AKAP13: variants seen among roughly 807,000 people sequenced by gnomAD.
The protein encoded by AKAP13 is A-kinase anchoring protein 13, also known as A-kinase anchor protein 13.
In AKAP13, 80 loss-of-function variants were observed where a neutral mutation model predicts 264.5. The observed-to-expected ratio is 0.30, with a 90% confidence interval of 0.25 to 0.36. The LOEUF is 0.36. Among genes scored for constraint, AKAP13 ranks in the 10% least tolerant of loss-of-function variants. The probability of loss-of-function intolerance (pLI) is 1.00; values close to 1 mark genes in which losing one functional copy is unlikely to be tolerated. For synonymous variants in AKAP13, 1,380 were observed against 1,250.2 expected (o/e 1.10, Z -2.19); for missense variants, 3,712 against 3,435.2 (o/e 1.08, Z -2.01).
intron 8 of AKAP13, among the ~76,000 whole-genome samples, chr15:85,596,609 T>G (rs976809024): frequency 2.6e-5 from 4 of 151,952 alleles, no homozygotes; most frequent in Non-Finnish European, 5.9e-5. Flanking sequence ...ACCTAGTCAC[T>G]CTGGGGTTGG....
rs1043873276 is a variant in AKAP13, at chr15:85,580,661, C to T, written c.2593C>T (p.Leu865Phe). The change falls in exon 7 of 37, where the codon CTC becomes TTC. Residue 865 changes from leucine (L) to phenylalanine (F), a missense_variant. This residue lies in a region of AKAP13 where 2,759 missense variants were observed against 2,411.7 expected (regional missense o/e 1.14). Transcript: ENST00000394518. ...TCAGCACGGGATGGGGAATACCAGT[C>T]TCACAGGACTTGGTGGAGAGCATGA... is the stretch of plus-strand genomic sequence containing the variant. ...ELQHGMGNTSLTGLGGEHEGP... is the reference protein window; with the variant it reads ...ELQHGMGNTSFTGLGGEHEGP... 2 of 1,614,214 alleles carry T rather than the reference C, an allele frequency of 1.2e-6. No homozygotes were observed. The highest frequency in any genetic ancestry group is 1.7e-6 in the Non-Finnish European group (2 of 1,180,030).
intron 1 of AKAP13, among the ~76,000 whole-genome samples, chr15:85,433,941 A>G (rs1413065295): frequency 1.1e-5 from 1 of 88,764 alleles, no homozygotes; most frequent in Non-Finnish European, 2.3e-5. Context: ...ACTCTGTCTC[A>G]AAAAATAAAA....
chr15:85,738,052 A>G (rs2088668802), intron 33 of AKAP13, among the ~76,000 whole-genome samples: 1 of 152,202 alleles, frequency 6.6e-6, no homozygotes, highest in South Asian at 2.1e-4. Flanking sequence ...TAGACACTAT[A>G]AATGCTTAGC....
rs541227727 is a variant in AKAP13 at position 85,630,740 on chromosome 15, T to C, written c.4162-8634T>C. On this transcript the variant is annotated intron_variant, in intron 8 of 36. Transcript: ENST00000394518. ...TCCATTAAAAAAAAGAAACTCAGGA[T>C]GAGCACCCATGTCACACCTACTGTG... Among the ~76,000 whole-genome samples the C allele has an allele frequency of 1.1e-4, 16 of 151,910 alleles. No homozygotes were observed. In the South Asian group the frequency reaches 3.1e-3, roughly 30 times the overall value.
At chr15:85,398,843 A>G (rs2071248754) in intron 1 of AKAP13, among the ~76,000 whole-genome samples, 1 of 152,202 alleles carries the variant, frequency 6.6e-6, no homozygotes, top group African/African-American at 2.4e-5. Flanking sequence ...AGTAACTGAC[A>G]TAGTTATTTT....
intron 1 of AKAP13, among the ~76,000 whole-genome samples, chr15:85,404,532 A>G (rs867381690): frequency 6.6e-6 from 1 of 152,158 alleles, no homozygotes; most frequent in Non-Finnish European, 1.5e-5. Flanking sequence ...GTTCCTTCCC[A>G]TCTGTTCATG....
At chr15:85,492,684 A>G (rs1389590156) in intron 2 of AKAP13, among the ~76,000 whole-genome samples, 1 of 152,146 alleles carries the variant, frequency 6.6e-6, no homozygotes, top group East Asian at 1.9e-4. Context: ...CATTTCTCTA[A>G]TTTTCCCAAT....
chr15:85,517,960 T>G (rs1162904494), intron 2 of AKAP13, among the ~76,000 whole-genome samples: 7 of 152,242 alleles, frequency 4.6e-5, no homozygotes, highest in Admixed American at 1.3e-4. Context: ...GATGTAGGTG[T>G]GTACTCTTCC....
At chr15:85,734,917 A>C in intron 30 of AKAP13, 75 bp from the exon 31 acceptor site, 1 of 1,550,522 alleles carries the variant, frequency 6.4e-7, no homozygotes, top group South Asian at 1.2e-5. Context: ...CTTTGTACGT[A>C]TCATATATAC....
intron 1 of AKAP13, among the ~76,000 whole-genome samples, chr15:85,453,347 C>T (rs1028789112): frequency 6.6e-6 from 1 of 152,072 alleles, no homozygotes; most frequent in African/African-American, 2.4e-5. Context: ...GGATCAGCCA[C>T]CCACGTAACA....
chr15:85,458,393 G>GTTT lies in AKAP13; in HGVS notation c.-11-27304_-11-27302dup, dbSNP rs4037636. Among the ~76,000 whole-genome samples, 861 of 120,644 alleles carry GTTT rather than the reference G, an allele frequency of 7.1e-3. 28 individuals carry two copies. The highest frequency in any genetic ancestry group is 0.025 in the African/African-American group (753 of 30,684). 79.1% of individuals were successfully genotyped at this position (120,644 alleles called of 152,430 possible). On this transcript the variant is annotated intron_variant, in intron 1 of 36. Coordinates refer to ENST00000394518, the MANE Select transcript of AKAP13 (RefSeq NM_007200.5). ...TCTTTTTTTGTATTTTTTGTTTTTT[G>GTTT]TTTTTTTTTTTTTTTACTATATATG...
In AKAP13 at chr15:85,735,602, G is replaced by T; in HGVS notation, c.7484G>T (p.Arg2495Ile). The T allele has an allele frequency of 3.7e-6, 6 of 1,613,360 alleles. No homozygotes were observed. Among genetic ancestry groups the T allele is most frequent in the Non-Finnish European group, 5.1e-6 (6 of 1,179,788 alleles). ...EEGDDGQDLR[R>I]TESDSGLKKG... ...GGAGATGATGGCCAAGATCTTAGGAGAACGGAATCAGATAGTGGCCTAAAA... is the reference window on the plus strand; with the variant it reads ...GGAGATGATGGCCAAGATCTTAGGATAACGGAATCAGATAGTGGCCTAAAA... Residue 2495 changes from arginine (R) to isoleucine (I), a missense_variant, in exon 32 of 37, where the codon AGA becomes ATA. Coordinates refer to ENST00000394518, the MANE Select transcript of AKAP13 (RefSeq NM_007200.5).
chr15:85,524,574 G>GT (rs758134977), intron 3 of AKAP13, among the ~76,000 whole-genome samples: 18 of 151,954 alleles, frequency 1.2e-4, no homozygotes, highest in South Asian at 2.1e-4. Context: ...TGTGTGTTTT[G>GT]TAACATTTTA....
rs886723505 is a variant in AKAP13, at chr15:85,746,663, G to T, written c.*1986G>T. ...CCCTTGCAAAGACCCTAAACAAAAA[G>T]TTAAGTTTCTTTCTTTCACCTATTT... On this transcript the variant is annotated 3_prime_UTR_variant, in exon 37 of 37. Coordinates refer to ENST00000394518, the MANE Select transcript of AKAP13 (RefSeq NM_007200.5). 2.0e-5 allele frequency: 3 copies of T among 151,868 alleles called. No individual in the cohort carries two copies. The highest frequency in any genetic ancestry group is 2.9e-5 in the Non-Finnish European group (2 of 68,022). 9.4% of individuals were successfully genotyped at this position (151,868 alleles called of 1,614,324 possible).
At chr15:85,406,632 C>T (rs2071680914) in intron 1 of AKAP13, among the ~76,000 whole-genome samples, 1 of 151,348 alleles carries the variant, frequency 6.6e-6, no homozygotes, top group Non-Finnish European at 1.5e-5. Flanking sequence ...ACAGCAGTTA[C>T]TGACCTTTCC....
At chr15:85,448,834 C>G (rs1235373829) in intron 1 of AKAP13, among the ~76,000 whole-genome samples, 4 of 142,274 alleles carry the variant, frequency 2.8e-5, no homozygotes, top group African/African-American at 1.1e-4. Context: ...TAAGGATTGC[C>G]TTGGCTATTC....
intron 2 of AKAP13, among the ~76,000 whole-genome samples, chr15:85,512,811 TTTTATGTATGTATGTA>T (rs771481513): frequency 1.4e-5 from 2 of 144,452 alleles, no homozygotes; most frequent in Non-Finnish European, 3.0e-5. Context: ...TGTTGACTAT[TTTTATGTATGTATGTA>T]TGTATGTATG....
intron 21 of AKAP13, among the ~76,000 whole-genome samples, chr15:85,717,797 T>C (rs1567211493): frequency 6.6e-6 from 1 of 152,238 alleles, no homozygotes. Flanking sequence ...TTATGTCATG[T>C]TTATTACTGT....
chr15:85,635,442 A>G lies in AKAP13; in HGVS notation c.4162-3932A>G, dbSNP rs182047130. On this transcript the variant is annotated intron_variant, in intron 8 of 36. Transcript: ENST00000394518. ...TTACTGCATTGTAAGAGTTTCTTTT[A>G]TTTTTAAATATTCCGGGTAGGAGTT... Among the ~76,000 whole-genome samples, 15 of 152,148 alleles carry G rather than the reference A, an allele frequency of 9.9e-5. No homozygotes were observed. In the East Asian group the frequency reaches 2.7e-3, roughly 27 times the overall value.
Sources: allele counts gnomAD v4.1 joint callset (sites outside exome capture counted in the v4.1 genomes callset), GRCh38; gene constraint gnomAD v4.1.1; regional missense constraint gnomAD v4.1.1; transcripts MANE v1.5; gene names NCBI Gene and HGNC (gene_info 2026-07-23, HGNC 2026-07-21).